Variants in LRBA observed in about 807,000 individuals in gnomAD.
The protein encoded by LRBA is lipopolysaccharide-responsive and beige-like anchor protein.
In LRBA, 176 loss-of-function variants were observed where a neutral mutation model predicts 330.0. The observed-to-expected ratio is 0.53, with a 90% CI of 0.47 to 0.60. The LOEUF (loss-of-function observed/expected upper bound fraction) is 0.60. Among genes scored for constraint, LRBA ranks in the 20% least tolerant of loss-of-function variants. The pLI is 0.00. For missense variants in LRBA, 3,259 were observed against 3,444.8 expected (o/e 0.95, Z 1.35); for synonymous variants, 1,230 against 1,193.0 (o/e 1.03, Z -0.64).
intron 28 of LRBA, chr4:150,840,525 G>A (rs954903184): frequency 3.9e-5 from 6 of 152,366 alleles, no homozygotes; most frequent in Admixed American, 2.0e-4. Context: ...GATGGGGAGA[G>A]ACAGGAATGG....
At position 150,380,505 on chromosome 4, in the gene LRBA, G is replaced by A. The variant is rs531368639; in HGVS notation, c.7195-30346C>T. Among the ~76,000 whole-genome samples the A allele has an allele frequency of 2.6e-4, 39 of 151,960 alleles. No homozygotes were observed. The South Asian group carries it at 7.9e-3, about 31-fold the overall frequency. On this transcript the variant is annotated intron_variant, in intron 47 of 56. Transcript: ENST00000651943. ...CAGAACCAATTTTAATAAGTATGGTGTAGGGCCCTGGGATCTGCATTTTAA... is the reference window on the plus strand; with the variant it reads ...CAGAACCAATTTTAATAAGTATGGTATAGGGCCCTGGGATCTGCATTTTAA...
At chr4:150,862,339 C>T (rs1248500389) in intron 22 of LRBA, among the ~76,000 whole-genome samples, 5 of 152,150 alleles carry the variant, frequency 3.3e-5, no homozygotes. Context: ...CCATGGAATA[C>T]TATGCAGCCA....
At chr4:150,542,234 T>C (rs574547693) in intron 40 of LRBA, among the ~76,000 whole-genome samples, 5 of 152,260 alleles carry the variant, frequency 3.3e-5, no homozygotes, top group African/African-American at 7.2e-5. Context: ...GTATAACCAA[T>C]GGGTAAGAGC....
At chr4:150,290,813 T>C (rs1728183139) in intron 53 of LRBA, among the ~76,000 whole-genome samples, 1 of 151,918 alleles carries the variant, frequency 6.6e-6, no homozygotes, top group Non-Finnish European at 1.5e-5. Context: ...GCACATCAGG[T>C]TTTACAGAGG....
chr4:150,766,348 AATGC>A (rs1189010805), intron 34 of LRBA, among the ~76,000 whole-genome samples: 2 of 152,112 alleles, frequency 1.3e-5, no homozygotes, highest in South Asian at 2.1e-4. Context: ...CAGATATACA[AATGC>A]ATACTAAAAA....
chr4:150,926,889 T>G (rs1733934793), intron 4 of LRBA, among the ~76,000 whole-genome samples: 2 of 149,752 alleles, frequency 1.3e-5, no homozygotes, highest in East Asian at 4.0e-4. Context: ...TGACCAACAC[T>G]GTGAAACCCT....
At chr4:150,864,922 C>A (rs1431842161) in intron 22 of LRBA, among the ~76,000 whole-genome samples, 2 of 152,084 alleles carry the variant, frequency 1.3e-5, no homozygotes, top group Non-Finnish European at 2.9e-5. Flanking sequence ...ATGCATGTGC[C>A]ATCGTGCCTG....
chr4:150,447,668 G>C (rs1294634626), intron 44 of LRBA, among the ~76,000 whole-genome samples: 1 of 152,108 alleles, frequency 6.6e-6, no homozygotes, highest in Non-Finnish European at 1.5e-5. Flanking sequence ...ACTCCTATTG[G>C]TTCTGTTTCT....
At chr4:150,295,163 G>A (rs993261736) in intron 53 of LRBA, among the ~76,000 whole-genome samples, 1 of 147,842 alleles carries the variant, frequency 6.8e-6, no homozygotes, top group African/African-American at 2.5e-5. Flanking sequence ...GTACAGTACA[G>A]TAATTTGGTG....
chr4:150,726,152 A>G (rs529031454), intron 36 of LRBA, among the ~76,000 whole-genome samples: 73 of 152,322 alleles, frequency 4.8e-4, no homozygotes, highest in African/African-American at 1.6e-3. Flanking sequence ...CTTATCAATA[A>G]TAACATTAAA....
chr4:150,717,937 C>T (rs1728451638), intron 36 of LRBA, among the ~76,000 whole-genome samples: 3 of 151,918 alleles, frequency 2.0e-5, no homozygotes, highest in South Asian at 2.1e-4. Flanking sequence ...TGATAATCAT[C>T]AGTACATATG....
intron 47 of LRBA, among the ~76,000 whole-genome samples, chr4:150,376,605 G>T (rs572740278): frequency 1.4e-4 from 21 of 152,112 alleles, no homozygotes; most frequent in African/African-American, 5.1e-4. Context: ...TTCTATCGGA[G>T]GACCCAACCC....
In LRBA at chr4:150,951,385, A is replaced by G. The variant is rs1322270414; in HGVS notation, c.217-22320T>C. Reference sequence around the variant, plus strand: ...ACATCATCTTTTTACAAAAAAAAAAAAAATTCTTTGTGACACCCCTATACT... The same window carrying G: ...ACATCATCTTTTTACAAAAAAAAAAGAAATTCTTTGTGACACCCCTATACT... On this transcript the variant is annotated intron_variant, in intron 2 of 56. Transcript: ENST00000651943. 3.3e-5 allele frequency among the ~76,000 whole-genome samples: 5 copies of G among 152,222 alleles called. No individual in the cohort carries two copies. The East Asian group carries it at 9.6e-4, about 29-fold the overall frequency.
intron 55 of LRBA, among the ~76,000 whole-genome samples, chr4:150,280,128 C>T (rs570526663): frequency 8.5e-5 from 13 of 152,292 alleles, no homozygotes; most frequent in African/African-American, 2.6e-4. Flanking sequence ...AAAAAGATTT[C>T]GCTGGCCTCT....
chr4:150,808,635 A>G (rs1242703834), intron 31 of LRBA, among the ~76,000 whole-genome samples: 3 of 152,176 alleles, frequency 2.0e-5, no homozygotes, highest in Non-Finnish European at 4.4e-5. Flanking sequence ...CTGAAGAAGC[A>G]AGAGAAAAGT....
At chr4:151,008,795 A>C (rs1156326097) in intron 2 of LRBA, among the ~76,000 whole-genome samples, 1 of 150,576 alleles carries the variant, frequency 6.6e-6, no homozygotes, top group Non-Finnish European at 1.5e-5. Context: ...CAACGTGGTG[A>C]AACGCCATCT....
At chr4:150,271,292 G>C (rs1255972472) in intron 56 of LRBA, among the ~76,000 whole-genome samples, 1 of 151,400 alleles carries the variant, frequency 6.6e-6, no homozygotes, top group Non-Finnish European at 1.5e-5. Flanking sequence ...CGTTTGGGTA[G>C]ACACTGAGCT....
At chr4:150,815,217 C>T (rs1465136326) in intron 31 of LRBA, among the ~76,000 whole-genome samples, 1 of 151,618 alleles carries the variant, frequency 6.6e-6, no homozygotes, top group African/African-American at 2.4e-5. Flanking sequence ...ATAACTATTG[C>T]ATTTTTCACA....
intron 37 of LRBA, among the ~76,000 whole-genome samples, chr4:150,652,312 T>C (rs968712029): frequency 6.6e-6 from 1 of 152,344 alleles, no homozygotes; most frequent in African/African-American, 2.4e-5. Flanking sequence ...AATGTGCCTG[T>C]TGAGGTATTT....
Sources: gnomAD v4.1 joint callset for allele counts (sites outside exome capture counted in the v4.1 genomes callset) on GRCh38, gnomAD v4.1.1 for gene constraint, MANE v1.5 for transcripts, NCBI Gene and HGNC (gene_info 2026-07-23, HGNC 2026-07-21) for gene names.